Variants in DGKH observed in about 807,000 individuals in gnomAD.
The protein encoded by DGKH is DAG kinase eta.
DGKH carries 90 observed loss-of-function variants against 159.3 expected under a neutral mutation model. That is an observed-to-expected ratio of 0.57 (90% CI 0.48 to 0.67). The LOEUF is 0.67. Among genes scored for constraint, DGKH ranks in the 30% least tolerant of loss-of-function variants. The probability of loss-of-function intolerance (pLI) is 0.00; values close to 1 mark genes in which losing one functional copy is unlikely to be tolerated. For synonymous variants in DGKH, 536 were observed against 553.8 expected (o/e 0.97, Z 0.45); for missense variants, 1,181 against 1,506.1 (o/e 0.78, Z 3.57).
chr13:42,048,870 G>C lies in DGKH; in HGVS notation c.97G>C (p.Gly33Arg). Residue 33 changes from glycine to arginine, a missense_variant, in exon 1 of 30, where the codon GGG (glycine) becomes CGG (arginine). By Grantham distance (125) the Gly-to-Arg change is moderately radical. Transcript: ENST00000337343. The surrounding 1 kb of genome is among the most constrained non-coding windows in gnomAD (Gnocchi z 6.7). ...GGTCACCTCCGCCGCTGCCTCGGCG[G>C]GGCCGGGAGAGGATTCGTCTGACAG... ...AAVTSAAASA[G>R]PGEDSSDSEA... 1 of 1,374,416 alleles carries C rather than the reference G, an allele frequency of 7.3e-7. No individual in the cohort carries two copies. Among genetic ancestry groups the C allele is most frequent in the Non-Finnish European group, 9.4e-7 (1 of 1,059,274 alleles). The allele number at this position is 1,374,416 out of a possible 1,614,324, so 85.1% of individuals were successfully genotyped here.
intron 1 of DGKH, among the ~76,000 whole-genome samples, chr13:42,063,636 T>C (rs1389904665): frequency 6.6e-6 from 1 of 152,116 alleles, no homozygotes; most frequent in African/African-American, 2.4e-5. Flanking sequence ...AAATGACTTT[T>C]TTAGGAGAAA....
chr13:42,183,766 T>G (rs1449520478), intron 13 of DGKH, among the ~76,000 whole-genome samples: 3 of 152,210 alleles, frequency 2.0e-5, no homozygotes, highest in Non-Finnish European at 4.4e-5. Flanking sequence ...TAACTAGCAA[T>G]CATAGATACC....
intron 1 of DGKH, among the ~76,000 whole-genome samples, chr13:42,061,988 G>GTGTGTGTGTGTGTGTGT (rs1555256128): frequency 6.7e-6 from 1 of 149,678 alleles, no homozygotes. Context: ...TGTGTGTGTG[G>GTGTGTGTGTGTGTGTGT]GTGTGTGTGT....
At chr13:42,097,105 T>G (rs1227549181) in intron 1 of DGKH, among the ~76,000 whole-genome samples, 1 of 152,232 alleles carries the variant, frequency 6.6e-6, no homozygotes. Flanking sequence ...TCTCTTTTCC[T>G]TAGGAATCTG....
chr13:42,126,466 C>T (rs143041520), intron 1 of DGKH, among the ~76,000 whole-genome samples: 120 of 152,194 alleles, frequency 7.9e-4, no homozygotes, highest in African/African-American at 2.7e-3. Context: ...TGCAGAAGAA[C>T]GCAGCCATTG....
chr13:42,255,971 C>T (rs1958654476), intron 30 of DGKH: 2 of 1,610,728 alleles, frequency 1.2e-6, no homozygotes, highest in Non-Finnish European at 1.7e-6. Flanking sequence ...TCTGGTTGAG[C>T]TCAGTGGAGC....
intron 1 of DGKH, among the ~76,000 whole-genome samples, chr13:42,053,527 AC>A (rs1452938632): frequency 4.5e-5 from 3 of 65,998 alleles, no homozygotes; most frequent in African/African-American, 1.9e-4. Context: ...ACTATATATA[AC>A]TATATATGTA....
chr13:42,112,085 A>C (rs1182151966), intron 1 of DGKH, among the ~76,000 whole-genome samples: 1 of 152,234 alleles, frequency 6.6e-6, no homozygotes, highest in Non-Finnish European at 1.5e-5. Flanking sequence ...GTCTCAGACA[A>C]CCAGAATCAG....
intron 1 of DGKH, among the ~76,000 whole-genome samples, chr13:42,110,803 T>TA (rs1954849900): frequency 6.6e-6 from 1 of 152,234 alleles, no homozygotes; most frequent in African/African-American, 2.4e-5. Flanking sequence ...AAAAAACTGT[T>TA]ATGTCTGGTA....
chr13:42,111,013 C>A (rs1304301770), intron 1 of DGKH, among the ~76,000 whole-genome samples: 2 of 151,812 alleles, frequency 1.3e-5, no homozygotes, highest in African/African-American at 4.8e-5. Context: ...TGTTTACCTA[C>A]GTAACAAACC....
At chr13:42,168,040 G>GA (rs775294939) in intron 9 of DGKH, among the ~76,000 whole-genome samples, 1 of 152,152 alleles carries the variant, frequency 6.6e-6, no homozygotes, top group Non-Finnish European at 1.5e-5. Flanking sequence ...GGAACTGCCT[G>GA]AGCGTCACTC....
At chr13:42,041,594 G>A (rs529399852) in intron 1 of DGKH, among the ~76,000 whole-genome samples, 1 of 152,174 alleles carries the variant, frequency 6.6e-6, no homozygotes, top group Non-Finnish European at 1.5e-5. Flanking sequence ...AGAGACCAGG[G>A]GGCTTTGGAT....
chr13:42,081,722 A>G (rs1036055626), intron 1 of DGKH, among the ~76,000 whole-genome samples: 1 of 152,154 alleles, frequency 6.6e-6, no homozygotes, highest in Non-Finnish European at 1.5e-5. Context: ...ATTCTTAAGC[A>G]CTTAATTTTC....
At position 42,229,923 on chromosome 13, in the gene DGKH, C is replaced by T. The variant is rs979480677; in HGVS notation, c.*735C>T. On this transcript the variant is annotated 3_prime_UTR_variant, in exon 30 of 30. Coordinates refer to ENST00000337343, the MANE Select transcript of DGKH (RefSeq NM_178009.5). ...TTCTGTTTTTTAATGTGGGATTTTG[C>T]GTAAATATTCTGTACCTAAGACTTT... is the stretch of plus-strand genomic sequence containing the variant. 7 of 152,174 alleles carry T rather than the reference C, an allele frequency of 4.6e-5. No homozygotes were observed. Among genetic ancestry groups the T allele is most frequent in the Admixed American group, 2.0e-4 (3 of 15,260 alleles). The allele number at this position is 152,174 out of a possible 1,614,324, so 9.4% of individuals were successfully genotyped here.
At chr13:42,204,940 T>C (rs1957428015) in intron 20 of DGKH, among the ~76,000 whole-genome samples, 1 of 152,220 alleles carries the variant, frequency 6.6e-6, no homozygotes, top group African/African-American at 2.4e-5. Flanking sequence ...CTCACCTTGG[T>C]TTCTCCCCTA....
At chr13:42,252,084 G>A (rs1243604511) in intron 29 of DGKH, among the ~76,000 whole-genome samples, 4 of 151,576 alleles carry the variant, frequency 2.6e-5, no homozygotes, top group African/African-American at 9.7e-5. Flanking sequence ...TGTCTAGTTT[G>A]GGAGCCAAGG....
chr13:42,105,476 T>C (rs935143209), intron 1 of DGKH, among the ~76,000 whole-genome samples: 1 of 152,190 alleles, frequency 6.6e-6, no homozygotes, highest in African/African-American at 2.4e-5. Context: ...AGCAGTGACC[T>C]AAAATTGTAT....
chr13:42,149,741 G>A (rs1955829832), intron 3 of DGKH, among the ~76,000 whole-genome samples: 1 of 152,180 alleles, frequency 6.6e-6, no homozygotes, highest in African/African-American at 2.4e-5. Flanking sequence ...CATGAAGTGG[G>A]TGCAGCAAAT....
intron 1 of DGKH, among the ~76,000 whole-genome samples, chr13:42,115,683 T>C (rs1954952720): frequency 6.6e-6 from 1 of 152,220 alleles, no homozygotes; most frequent in Admixed American, 6.5e-5. Context: ...GGAGGATTGC[T>C]GAAGATGGGG....
Sources: allele counts gnomAD v4.1 joint callset (sites outside exome capture counted in the v4.1 genomes callset), GRCh38; gene constraint gnomAD v4.1.1; non-coding constraint Gnocchi (gnomAD v3.1); transcripts MANE v1.5; gene names NCBI Gene and HGNC (gene_info 2026-07-23, HGNC 2026-07-21).